PTPRD: variants seen among roughly 807,000 people sequenced by gnomAD.
PTPRD encodes protein tyrosine phosphatase receptor type D.
In PTPRD, 34 loss-of-function variants were observed where a neutral mutation model predicts 214.5. The observed-to-expected ratio is 0.16, with a 90% confidence interval of 0.12 to 0.21. The LOEUF is 0.21. PTPRD is among the 10% of genes least tolerant of loss of function. PTPRD has a pLI of 1.00. For synonymous variants in PTPRD, 1,128 were observed against 845.7 expected (o/e 1.33, Z -5.79); for missense variants, 2,545 against 2,398.7 (o/e 1.06, Z -1.27).
chr9:9,424,801 G>C (rs894068861), intron 8 of PTPRD, among the ~76,000 whole-genome samples: 1 of 152,006 alleles, frequency 6.6e-6, no homozygotes, highest in African/African-American at 2.4e-5. Flanking sequence ...CACTTCTACA[G>C]ACCAGCAAAA....
chr9:9,589,180 G>A (rs186253265), intron 7 of PTPRD, among the ~76,000 whole-genome samples: 339 of 152,018 alleles, frequency 2.2e-3, no homozygotes, highest in African/African-American at 7.7e-3. Context: ...CAATACAACA[G>A]TAGTTTATTT....
chr9:8,789,887 G>T (rs2096152215), intron 11 of PTPRD, among the ~76,000 whole-genome samples: 1 of 152,064 alleles, frequency 6.6e-6, no homozygotes, highest in Non-Finnish European at 1.5e-5. Flanking sequence ...GAATCTGGAG[G>T]GTAGAAAGCA....
At chr9:9,301,492 C>T (rs1955282601) in intron 9 of PTPRD, among the ~76,000 whole-genome samples, 1 of 145,286 alleles carries the variant, frequency 6.9e-6, no homozygotes, top group African/African-American at 2.6e-5. Flanking sequence ...CATTTCGTTA[C>T]CTTGGGAAAT....
intron 9 of PTPRD, among the ~76,000 whole-genome samples, chr9:9,238,963 C>A (rs1486021082): frequency 1.3e-5 from 2 of 152,108 alleles, no homozygotes; most frequent in Admixed American, 6.6e-5. Flanking sequence ...ATTCAGACAG[C>A]CACGGTGTGT....
At chr9:8,415,042 G>C (rs913392336) in intron 35 of PTPRD, among the ~76,000 whole-genome samples, 5 of 151,980 alleles carry the variant, frequency 3.3e-5, no homozygotes, top group Admixed American at 6.6e-5. Flanking sequence ...GGATAGGTGG[G>C]TGGGAAAAAG....
intron 2 of PTPRD, among the ~76,000 whole-genome samples, chr9:10,548,647 G>C (rs934350239): frequency 9.9e-5 from 15 of 152,148 alleles, no homozygotes; most frequent in Middle Eastern, 3.4e-3. Flanking sequence ...AAATTCTAAA[G>C]ACAAAGAAAA....
intron 35 of PTPRD, among the ~76,000 whole-genome samples, chr9:8,407,360 T>C (rs1392958511): frequency 6.6e-6 from 1 of 152,202 alleles, no homozygotes; most frequent in Non-Finnish European, 1.5e-5. Flanking sequence ...ATTAATTTAA[T>C]TATTCTTACT....
chr9:8,501,165 T>C (rs2097397121), intron 23 of PTPRD, 106 bp from the exon 24 acceptor site: 7 of 811,682 alleles, frequency 8.6e-6, no homozygotes, highest in Non-Finnish European at 1.3e-5. Flanking sequence ...AAACGAACAA[T>C]AAGGACAAAA....
At chr9:10,548,892 T>C (rs190409492) in intron 2 of PTPRD, among the ~76,000 whole-genome samples, 222 of 152,292 alleles carry the variant, frequency 1.5e-3, no homozygotes, top group African/African-American at 5.1e-3. Flanking sequence ...ACACTGTTAA[T>C]GTGCATAAAA....
At chr9:9,240,555 C>T (rs991264429) in intron 9 of PTPRD, among the ~76,000 whole-genome samples, 5 of 152,064 alleles carry the variant, frequency 3.3e-5, no homozygotes, top group South Asian at 2.1e-4. Context: ...CCTGTCATCC[C>T]AGCTACTGGG....
intron 3 of PTPRD, among the ~76,000 whole-genome samples, chr9:10,090,032 A>C (rs112113924): frequency 0.011 from 1,690 of 151,798 alleles, 32 homozygotes; most frequent in African/African-American, 0.037. Context: ...CACTATCTAC[A>C]AGACTGTATA....
intron 5 of PTPRD, among the ~76,000 whole-genome samples, chr9:9,769,272 C>T (rs373462838): frequency 7.0e-6 from 1 of 143,104 alleles, no homozygotes; most frequent in Non-Finnish European, 1.5e-5. Context: ...GTCAAGCTTA[C>T]AGGGTGGACA....
chr9:9,070,687 C>T (rs896458068), intron 10 of PTPRD, among the ~76,000 whole-genome samples: 1 of 152,182 alleles, frequency 6.6e-6, no homozygotes, highest in Non-Finnish European at 1.5e-5. Flanking sequence ...TTCTTATGTA[C>T]TGAAGCCTCA....
intron 4 of PTPRD, among the ~76,000 whole-genome samples, chr9:10,000,878 T>C (rs2096291377): frequency 6.6e-6 from 1 of 152,122 alleles, no homozygotes; most frequent in Non-Finnish European, 1.5e-5. Flanking sequence ...CATTTGCATA[T>C]TAAGAGCCTG....
intron 2 of PTPRD, among the ~76,000 whole-genome samples, chr9:10,449,443 C>T (rs960868240): frequency 6.6e-6 from 1 of 151,792 alleles, no homozygotes; most frequent in African/African-American, 2.4e-5. Flanking sequence ...AAGATGGCAG[C>T]CTCCGCCCGG....
intron 11 of PTPRD, among the ~76,000 whole-genome samples, chr9:8,890,984 T>C (rs2154238868): frequency 1.3e-5 from 2 of 152,262 alleles, no homozygotes; most frequent in Admixed American, 1.3e-4. Flanking sequence ...AGCTTTATCA[T>C]TTTAAAGTGT....
chr9:9,298,229 G>T (rs966872873), intron 9 of PTPRD, among the ~76,000 whole-genome samples: 2 of 151,650 alleles, frequency 1.3e-5, no homozygotes, highest in Non-Finnish European at 3.0e-5. Context: ...AATTGAAAGA[G>T]AAACAAATGC....
chr9:10,304,504 T>G (rs767427460), intron 3 of PTPRD, among the ~76,000 whole-genome samples: 2 of 152,158 alleles, frequency 1.3e-5, no homozygotes, highest in Non-Finnish European at 2.9e-5. Flanking sequence ...ATTGTATATT[T>G]AGGAAACCCC....
chr9:8,629,116 T>G (rs950853571), intron 14 of PTPRD, among the ~76,000 whole-genome samples: 4 of 151,594 alleles, frequency 2.6e-5, no homozygotes. Context: ...ATTACTCCCC[T>G]AAAAAAAATT....
Sources: allele counts gnomAD v4.1 joint callset (sites outside exome capture counted in the v4.1 genomes callset), GRCh38; gene constraint gnomAD v4.1.1; transcripts MANE v1.5; gene names NCBI Gene and HGNC (gene_info 2026-07-23, HGNC 2026-07-21).